The following ZNF268 variants were observed in gnomAD, a reference collection of about 807,000 sequenced individuals.
The protein encoded by ZNF268 is zinc finger protein 268.
In ZNF268, 20 loss-of-function variants were observed where a neutral mutation model predicts 29.3. That is an observed-to-expected ratio of 0.68 (90% CI 0.48 to 0.99). The LOEUF (loss-of-function observed/expected upper bound fraction) is 0.99, where lower values mean the gene tolerates loss of function less well. ZNF268 is among the 50% of genes least tolerant of loss of function. The probability of loss-of-function intolerance (pLI) is 0.00; values close to 1 mark genes in which losing one functional copy is unlikely to be tolerated. For missense variants in ZNF268, 1,240 were observed against 1,121.6 expected (o/e 1.11, Z -1.51); for synonymous variants, 429 against 376.9 (o/e 1.14, Z -1.60).
In ZNF268 at chr12:133,204,217, C is replaced by T; in HGVS notation, c.2531C>T (p.Ser844Phe). 6.5e-7 allele frequency: 1 copy of T among 1,541,000 alleles called. No homozygotes were observed. Among genetic ancestry groups the T allele is most frequent in the Non-Finnish European group, 8.7e-7 (1 of 1,147,528 alleles). Residue 844 changes from serine (S) to phenylalanine (F), a missense_variant, in exon 6 of 6, where the codon TCC (serine) becomes TTC (phenylalanine). Physicochemically the swap from Ser to Phe is radical, Grantham distance 155. This residue lies in a region of ZNF268 where 1,177 missense variants were observed against 1,039.6 expected (regional missense o/e 1.13). Coordinates refer to ENST00000536435, the MANE Select transcript of ZNF268 (RefSeq NM_003415.3). ...TATAAATGCAGTCAATGTGAGAAAT[C>T]CTTCAGTGGGAAATTACGCCTTCTT... ...NPYKCSQCEK[S>F]FSGKLRLLVH...
chr12:133,191,364 A>G (rs1240258323), intron 3 of ZNF268, 125 bp from the exon 4 acceptor site: 1 of 1,032,660 alleles, frequency 9.7e-7, no homozygotes, highest in African/African-American at 1.6e-5. Flanking sequence ...ATGCACATTG[A>G]TGGATGTTTT....
At chr12:133,197,261 C>T (rs1956633499) in intron 5 of ZNF268, among the ~76,000 whole-genome samples, 1 of 141,312 alleles carries the variant, frequency 7.1e-6, no homozygotes. Flanking sequence ...TTGTTCAATT[C>T]CCACCTATGA....
At chr12:133,183,022 A>G (rs1433049740) in intron 2 of ZNF268, among the ~76,000 whole-genome samples, 1 of 152,216 alleles carries the variant, frequency 6.6e-6, no homozygotes, top group African/African-American at 2.4e-5. Context: ...GCCTCCTATC[A>G]GAGGCTGCAT....
intron 3 of ZNF268, among the ~76,000 whole-genome samples, chr12:133,190,155 G>A (rs1373849275): frequency 6.6e-6 from 1 of 152,190 alleles, no homozygotes; most frequent in Non-Finnish European, 1.5e-5. Flanking sequence ...GTCTTCCAAG[G>A]AATATGTCCT....
rs1211086364 is a variant in ZNF268 at position 133,209,798 on chromosome 12, G to A, written c.*5268G>A. The A allele has an allele frequency of 6.7e-6, 1 of 148,590 alleles. No homozygotes were observed. Among genetic ancestry groups the A allele is most frequent in the Non-Finnish European group, 1.5e-5 (1 of 68,044 alleles). 9.2% of individuals were successfully genotyped at this position (148,590 alleles called of 1,614,324 possible). On this transcript the variant is annotated 3_prime_UTR_variant, in exon 6 of 6. Transcript: ENST00000536435. ...ATTGCACTCCAGCCCGGGCAGCAGA[G>A]TGAGACTCCTTCAAAAAAAATTAAT...
chr12:133,205,162 AAAAAAAAAAAACC>A lies in ZNF268; in HGVS notation c.*635_*647del, dbSNP rs1566389902. On this transcript the variant is annotated 3_prime_UTR_variant, in exon 6 of 6. Coordinates refer to ENST00000536435, the MANE Select transcript of ZNF268 (RefSeq NM_003415.3). ...TTCATTCTAAAAAAAAAAAAAAAAAAAAAAAAAAAAACCAACCTGTTATTATATCTTAATATTA... is the reference window on the plus strand; with the variant it reads ...TTCATTCTAAAAAAAAAAAAAAAAAAAACCTGTTATTATATCTTAATATTA... 1 of 137,968 alleles carries A rather than the reference AAAAAAAAAAAACC, an allele frequency of 7.2e-6. No homozygotes were observed. Among genetic ancestry groups the A allele is most frequent in the Non-Finnish European group, 1.6e-5 (1 of 64,326 alleles). 8.5% of individuals were successfully genotyped at this position (137,968 alleles called of 1,614,324 possible). A position where few individuals can be genotyped will look rare whatever the true frequency, so the allele number is the denominator to read the frequency against.
intron 5 of ZNF268, among the ~76,000 whole-genome samples, chr12:133,198,551 G>GT (rs1361348062): frequency 6.6e-6 from 1 of 152,052 alleles, no homozygotes; most frequent in South Asian, 2.1e-4. Context: ...CTTTAAAGTA[G>GT]TTTTTTTCAA....
chr12:133,202,496 T>G lies in ZNF268; in HGVS notation c.810T>G (p.Tyr270Ter). ...KKSQLMCQQMYMGEKPFGCSC... is the reference protein window; with the variant it reads ...KKSQLMCQQM ...CGCAACTTATGTGCCAACAAATGTATATGGGCGAAAAACCCTTTGGATGCA... is the reference window on the plus strand; with the variant it reads ...CGCAACTTATGTGCCAACAAATGTAGATGGGCGAAAAACCCTTTGGATGCA... The change falls in exon 6 of 6, where the codon TAT becomes TAG. Residue 270 changes from tyrosine to a stop codon, truncating the protein, a stop_gained. Coordinates refer to ENST00000536435, the MANE Select transcript of ZNF268 (RefSeq NM_003415.3). LOFTEE classifies it low-confidence loss of function (END_TRUNC). 1 of 1,612,452 alleles carries G rather than the reference T, an allele frequency of 6.2e-7. No homozygotes were observed. The highest frequency in any genetic ancestry group is 8.5e-7 in the Non-Finnish European group (1 of 1,179,174).
chr12:133,211,600 A>C lies in ZNF268; in HGVS notation c.*7070A>C, dbSNP rs534726554. 1 of 142,722 alleles carries C rather than the reference A, an allele frequency of 7.0e-6. No homozygotes were observed. The highest frequency in any genetic ancestry group is 1.6e-5 in the Non-Finnish European group (1 of 62,962). 8.8% of individuals were successfully genotyped at this position (142,722 alleles called of 1,614,324 possible). A position where few individuals can be genotyped will look rare whatever the true frequency, so the allele number is the denominator to read the frequency against. On this transcript the variant is annotated 3_prime_UTR_variant, in exon 6 of 6. Coordinates refer to ENST00000536435, the MANE Select transcript of ZNF268 (RefSeq NM_003415.3). Reference sequence around the variant, plus strand: ...AAACTCCGTCTCAAAAAAAAAAAAAAGAAGATATACAGATGGCAAATAAGC... The same window carrying C: ...AAACTCCGTCTCAAAAAAAAAAAAACGAAGATATACAGATGGCAAATAAGC...
chr12:133,209,902 A>G lies in ZNF268; in HGVS notation c.*5372A>G, dbSNP rs904850092. 1 of 152,090 alleles carries G rather than the reference A, an allele frequency of 6.6e-6. No individual in the cohort carries two copies. The highest frequency in any genetic ancestry group is 2.4e-5 in the African/African-American group (1 of 41,386). The allele number at this position is 152,090 out of a possible 1,614,324, so 9.4% of individuals were successfully genotyped here. On this transcript the variant is annotated 3_prime_UTR_variant, in exon 6 of 6. Coordinates refer to ENST00000536435, the MANE Select transcript of ZNF268 (RefSeq NM_003415.3). Reference sequence around the variant, plus strand: ...ATCCCACAGGTGCTGTTCATCCCCAACTTTGACCTGGACTGTTGCAGTGTT... The same window carrying G: ...ATCCCACAGGTGCTGTTCATCCCCAGCTTTGACCTGGACTGTTGCAGTGTT...
chr12:133,183,068 G>A (rs945759707), intron 2 of ZNF268, among the ~76,000 whole-genome samples: 2 of 152,180 alleles, frequency 1.3e-5, no homozygotes, highest in Non-Finnish European at 1.5e-5. Flanking sequence ...TGTGAACTGC[G>A]CATGCGAAAG....
At chr12:133,201,059 G>T (rs11147298) in intron 5 of ZNF268, among the ~76,000 whole-genome samples, 52,345 of 151,768 alleles carry the variant, frequency 0.34, 9,453 homozygotes, top group African/African-American at 0.41. Flanking sequence ...TGTTTATAGG[G>T]AAATCATGCA....
intron 2 of ZNF268, chr12:133,184,764 GCAC>G: frequency 2.3e-6 from 1 of 440,960 alleles, no homozygotes; most frequent in Non-Finnish European, 4.6e-6. Context: ...TTACAGGTGC[GCAC>G]CACCATGCCC....
In ZNF268 at chr12:133,204,099, G is replaced by A; in HGVS notation, c.2413G>A (p.Glu805Lys). Residue 805 changes from glutamate to lysine, a missense_variant, in exon 6 of 6, where the codon GAA (glutamate) becomes AAA (lysine). By Grantham distance (56) the Glu-to-Lys change is moderately conservative (BLOSUM62 1). Transcript: ENST00000536435. ...TATACACATGAGAACTCATTCAGGT[G>A]AAAAACCATATGAATGTAATGAATG... ...LIIHMRTHSG[E>K]KPYECNECGK... The A allele has an allele frequency of 6.5e-7, 1 of 1,547,712 alleles. No homozygotes were observed.
At chr12:133,191,662 C>T (rs2135497847) in intron 4 of ZNF268, 47 bp downstream of exon 4, 2 of 1,602,632 alleles carry the variant, frequency 1.2e-6, no homozygotes, top group South Asian at 2.2e-5. Context: ...CTCCAGGCTT[C>T]TTCTTGGTTG....
intron 1 of ZNF268, 59 bp from the exon 2 acceptor site, chr12:133,181,887 C>T (rs1360225576): frequency 2.5e-6 from 3 of 1,206,058 alleles, no homozygotes; most frequent in African/African-American, 1.5e-5. Flanking sequence ...TCGGACCCTC[C>T]CCCTCTGGGT....
Position 133,203,360 on chromosome 12 carries a change from C to A in ZNF268, c.1674C>A (p.Cys558Ter). 1 of 1,548,358 alleles carries A rather than the reference C, an allele frequency of 6.5e-7. No homozygotes were observed. ...RIHTGENPYE[C>*]HECGKAFSRK... ...ATACAGGAGAGAACCCCTATGAATG[C>A]CATGAATGTGGGAAAGCCTTCAGTC... is the stretch of plus-strand genomic sequence containing the variant. Residue 558 changes from cysteine to a stop codon, truncating the protein, a stop_gained, in exon 6 of 6, where the codon TGC becomes TGA. Transcript: ENST00000536435. LOFTEE classifies it low-confidence loss of function (END_TRUNC).
chr12:133,186,150 G>A (rs1357788660), intron 2 of ZNF268, among the ~76,000 whole-genome samples: 1 of 152,098 alleles, frequency 6.6e-6, no homozygotes, highest in African/African-American at 2.4e-5. Flanking sequence ...GAGACCAGGT[G>A]GCACCCCTGG....
intron 2 of ZNF268, among the ~76,000 whole-genome samples, chr12:133,182,694 C>T (rs1427003597): frequency 2.6e-5 from 4 of 152,150 alleles, no homozygotes; most frequent in Admixed American, 6.5e-5. Context: ...GGATTAAAAC[C>T]AGCCTAGGAA....
Sources: allele counts gnomAD v4.1 joint callset (sites outside exome capture counted in the v4.1 genomes callset), GRCh38; gene constraint gnomAD v4.1.1; regional missense constraint gnomAD v4.1.1; transcripts MANE v1.5; gene names NCBI Gene and HGNC (gene_info 2026-07-23, HGNC 2026-07-21).